Variants in TMPRSS6 observed in about 807,000 individuals in gnomAD.
TMPRSS6 encodes the protein transmembrane serine protease 6, also known as transmembrane protease serine 6.
Under a neutral mutation model 101.5 loss-of-function variants are expected in TMPRSS6, and 67 were observed. That is an observed-to-expected ratio of 0.66 (90% CI 0.54 to 0.81). The LOEUF is 0.81. Ranked by LOEUF, TMPRSS6 falls within the 30% of genes least tolerant of loss-of-function variation. The pLI is 0.00. For missense variants in TMPRSS6, 1,034 were observed against 1,088.7 expected (o/e 0.95, Z 0.71); for synonymous variants, 453 against 464.9 (o/e 0.97, Z 0.33).
intron 13 of TMPRSS6, 52 bp downstream of exon 13, chr22:37,073,480 G>C: frequency 3.1e-6 from 4 of 1,273,220 alleles, no homozygotes; most frequent in Non-Finnish European, 4.6e-6. Flanking sequence ...GCATGTAGCA[G>C]GCCTAGACTG....
intron 1 of TMPRSS6, among the ~76,000 whole-genome samples, chr22:37,105,532 C>T (rs1211113901): frequency 6.6e-6 from 1 of 152,204 alleles, no homozygotes; most frequent in Non-Finnish European, 1.5e-5. Context: ...GGGCTGGCCA[C>T]CTCTGACTGA....
rs1015906640 is a variant in TMPRSS6 at position 37,075,131 on chromosome 22, T to A, written c.1342+4A>T. ...AGGGGGTTCCCCCGGCTGCCCATAC[T>A]CACGGTCCGACTGGTTGTACAAGCC... On this transcript the variant is annotated splice_donor_region_variant and intron_variant, in intron 11 of 17. Transcript: ENST00000676104. The A allele has an allele frequency of 8.7e-6, 14 of 1,613,548 alleles. 1 individual carries two copies. Among genetic ancestry groups the A allele is most frequent in the Admixed American group, 8.3e-5 (5 of 60,008 alleles).
chr22:37,105,810 C>T lies in TMPRSS6; in HGVS notation c.-1-2392G>A, dbSNP rs138598683. Among the ~76,000 whole-genome samples, 1,243 of 152,284 alleles carry T rather than the reference C, an allele frequency of 8.2e-3. 17 individuals are homozygous for T. The highest frequency in any genetic ancestry group is 0.029 in the African/African-American group (1,199 of 41,552). On this transcript the variant is annotated intron_variant, in intron 1 of 17. Coordinates refer to ENST00000676104, the MANE Select transcript of TMPRSS6 (RefSeq NM_001374504.1). ...TCAGCCTCCCAAGTAGCTGGGACTA[C>T]AGGTGCACCAGCACACCTGGCTAAT...
At chr22:37,071,941 GTGGATGATGGATGGATGATGGA>G (rs570969049) in intron 13 of TMPRSS6, among the ~76,000 whole-genome samples, 1 of 149,606 alleles carries the variant, frequency 6.7e-6, no homozygotes, top group Non-Finnish European at 1.5e-5. Flanking sequence ...TGATGGATGG[GTGGATGATGGATGGATGATGGA>G]TGGATGATGG....
intron 11 of TMPRSS6, 36 bp from the exon 12 acceptor site, chr22:37,074,744 G>T (rs933276467): frequency 3.7e-6 from 6 of 1,606,838 alleles, no homozygotes; most frequent in Non-Finnish European, 5.1e-6. Flanking sequence ...GGCAGGCAGG[G>T]CGCCATTAGG....
intron 1 of TMPRSS6, among the ~76,000 whole-genome samples, chr22:37,107,346 C>A (rs1391725923): frequency 6.6e-6 from 1 of 152,152 alleles, no homozygotes; most frequent in East Asian, 1.9e-4. Context: ...GGAGGAGGGG[C>A]AGTGGACAGT....
chr22:37,089,929 T>A (rs1929113156), intron 6 of TMPRSS6, 147 bp from the exon 7 acceptor site: 2 of 688,704 alleles, frequency 2.9e-6, no homozygotes. Flanking sequence ...CTCTACCCCA[T>A]CCTTCTCTTT....
At chr22:37,102,746 A>G (rs1359439757) in intron 2 of TMPRSS6, among the ~76,000 whole-genome samples, 2 of 152,126 alleles carry the variant, frequency 1.3e-5, no homozygotes, top group Non-Finnish European at 2.9e-5. Context: ...TGTGGTCCCC[A>G]GCCTAGAGGA....
intron 8 of TMPRSS6, 60 bp downstream of exon 8, chr22:37,086,223 G>A (rs924890768): frequency 2.5e-6 from 4 of 1,611,254 alleles, no homozygotes; most frequent in Non-Finnish European, 3.4e-6. Flanking sequence ...TGAGCCCAGT[G>A]GAGGGCCCTT....
chr22:37,102,275 T>C (rs1930383679), intron 2 of TMPRSS6, among the ~76,000 whole-genome samples: 1 of 152,264 alleles, frequency 6.6e-6, no homozygotes, highest in Non-Finnish European at 1.5e-5. Context: ...TCACATGCTA[T>C]GCTTTAGCGT....
intron 6 of TMPRSS6, among the ~76,000 whole-genome samples, chr22:37,090,149 G>C (rs1929138688): frequency 6.6e-6 from 1 of 152,226 alleles, no homozygotes; most frequent in African/African-American, 2.4e-5. Flanking sequence ...TGGGCTGGGG[G>C]CATCCTGGGG....
chr22:37,090,805 A>C (rs562642549), intron 6 of TMPRSS6, among the ~76,000 whole-genome samples: 95 of 152,228 alleles, frequency 6.2e-4, no homozygotes, highest in African/African-American at 1.8e-3. Flanking sequence ...CCAGCACAGC[A>C]CCTTGCACAG....
chr22:37,070,052 A>G (rs757130524), intron 15 of TMPRSS6, among the ~76,000 whole-genome samples: 1 of 152,134 alleles, frequency 6.6e-6, no homozygotes, highest in Non-Finnish European at 1.5e-5. Context: ...AAAGATGGCC[A>G]TGAGGCCTGA....
At chr22:37,072,287 G>A (rs1302439909) in intron 13 of TMPRSS6, among the ~76,000 whole-genome samples, 4 of 142,658 alleles carry the variant, frequency 2.8e-5, no homozygotes, top group Admixed American at 2.7e-4. Flanking sequence ...ATGGATGGAT[G>A]GATGATGGAT....
chr22:37,074,041 G>T (rs932942388), intron 12 of TMPRSS6, among the ~76,000 whole-genome samples: 2 of 152,118 alleles, frequency 1.3e-5, no homozygotes, highest in African/African-American at 4.8e-5. Flanking sequence ...GAGCCACTGC[G>T]CCCGGCCTCT....
In TMPRSS6 at chr22:37,066,282, C is replaced by T. The variant is rs1475382611; in HGVS notation, c.2251-44G>A. ...AAAGGACTGAAGCAGGGTAAGGGCA[C>T]CCCCTTTTCCAGGTGAAGAGCCATA... On this transcript the variant is annotated intron_variant, in intron 17 of 17. Coordinates refer to ENST00000676104, the MANE Select transcript of TMPRSS6 (RefSeq NM_001374504.1). 3.2e-6 allele frequency: 5 copies of T among 1,545,320 alleles called. No homozygotes were observed. In the Admixed American group the frequency reaches 9.7e-5, roughly 30 times the overall value.
In TMPRSS6 at chr22:37,095,505, T is replaced by C. The variant is rs2743824; in HGVS notation, c.631+46A>G. 665,721 of 1,605,490 alleles carry C rather than the reference T, an allele frequency of 0.41. 139,507 individuals carry two copies. Among genetic ancestry groups the C allele is most frequent in the African/African-American group, 0.49 (36,116 of 73,982 alleles). On this transcript the variant is annotated intron_variant, in intron 6 of 17. Coordinates refer to ENST00000676104, the MANE Select transcript of TMPRSS6 (RefSeq NM_001374504.1). ...TGATACACAACAAAGTCAAGACAAA[T>C]GCCAACTCAAAAGGAAAATGGGGAG...
intron 12 of TMPRSS6, 123 bp downstream of exon 12, chr22:37,074,487 T>G: frequency 1.1e-6 from 1 of 949,468 alleles, no homozygotes; most frequent in Non-Finnish European, 1.6e-6. Flanking sequence ...GAACCCCACT[T>G]CCTGGGTGCT....
rs146358284 is a variant in TMPRSS6 at position 37,066,008 on chromosome 22, C to G, written c.*72G>C. On this transcript the variant is annotated 3_prime_UTR_variant, in exon 18 of 18. Transcript: ENST00000676104. The stretch of plus-strand genomic sequence containing the variant: ...CCCCACCCCCCGCCAGAATACTTGT[C>G]CCCCTGCTTGGCAGTTGCCCTGGGC... 3.1e-6 allele frequency: 5 copies of G among 1,598,020 alleles called. No individual in the cohort carries two copies. The African/African-American group carries it at 6.7e-5, about 21-fold the overall frequency.
Sources: allele counts gnomAD v4.1 joint callset (sites outside exome capture counted in the v4.1 genomes callset), GRCh38; gene constraint gnomAD v4.1.1; transcripts MANE v1.5; gene names NCBI Gene and HGNC (gene_info 2026-07-23, HGNC 2026-07-21).